The following MIB1 variants were observed in gnomAD, a reference collection of about 807,000 sequenced individuals.
MIB1 encodes E3 ubiquitin-protein ligase MIB1.
Under a neutral mutation model 124.5 loss-of-function variants are expected in MIB1, and 278 were observed. The ratio of observed to expected loss-of-function variants is 2.23; its 90% confidence interval spans 2.02 to 2.47. MIB1 has a LOEUF of 2.47. Ranked by LOEUF, MIB1 falls within the 30% of genes most tolerant of loss-of-function variation. MIB1 has a pLI of 0.00. For synonymous variants in MIB1, 446 were observed against 429.4 expected (o/e 1.04, Z -0.48); for missense variants, 957 against 1,254.4 (o/e 0.76, Z 3.58).
intron 12 of MIB1, among the ~76,000 whole-genome samples, chr18:21,837,081 T>C (rs1464806387): frequency 2.6e-5 from 4 of 152,222 alleles, no homozygotes; most frequent in Admixed American, 6.5e-5. Flanking sequence ...CATGCATTTC[T>C]CTGGAGGAGA....
chr18:21,803,680 T>C (rs2041673964), intron 9 of MIB1: 1 of 367,272 alleles, frequency 2.7e-6, no homozygotes, highest in Non-Finnish European at 4.9e-6. Context: ...CTAACAGTTA[T>C]TTCGTAACTC....
chr18:21,757,508 A>G (rs1166063716), intron 1 of MIB1, among the ~76,000 whole-genome samples: 1 of 126,850 alleles, frequency 7.9e-6, no homozygotes, highest in Non-Finnish European at 1.6e-5. Flanking sequence ...TTTTTGGGAC[A>G]GGGTCTTACT....
At chr18:21,724,932 A>C (rs1378995464) in intron 1 of MIB1, among the ~76,000 whole-genome samples, 1 of 146,298 alleles carries the variant, frequency 6.8e-6, no homozygotes, top group Non-Finnish European at 1.5e-5. Flanking sequence ...CTCTACTAAA[A>C]AAAATACAAA....
At chr18:21,853,896 GCT>G (rs1367314443) in intron 18 of MIB1, among the ~76,000 whole-genome samples, 1 of 147,728 alleles carries the variant, frequency 6.8e-6, no homozygotes, top group Non-Finnish European at 1.5e-5. Flanking sequence ...GCACAGTCTC[GCT>G]CTGTCACCTA....
At chr18:21,809,144 C>T (rs898038193) in intron 10 of MIB1, among the ~76,000 whole-genome samples, 2 of 151,820 alleles carry the variant, frequency 1.3e-5, no homozygotes, top group Non-Finnish European at 2.9e-5. Context: ...AACAATATGC[C>T]AACAAATTGG....
At chr18:21,758,760 C>T (rs1434801760) in intron 1 of MIB1, among the ~76,000 whole-genome samples, 1 of 152,092 alleles carries the variant, frequency 6.6e-6, no homozygotes, top group African/African-American at 2.4e-5. Flanking sequence ...GTCTTGAACG[C>T]CTGACCTCGT....
chr18:21,734,328 A>G (rs1424322757), intron 1 of MIB1, among the ~76,000 whole-genome samples: 3 of 151,340 alleles, frequency 2.0e-5, no homozygotes, highest in African/African-American at 7.3e-5. Flanking sequence ...GATGGTCTCA[A>G]TCTCCTGACC....
intron 12 of MIB1, chr18:21,826,913 T>A (rs2041929338): frequency 6.6e-6 from 1 of 152,144 alleles, no homozygotes; most frequent in South Asian, 2.1e-4. Flanking sequence ...TTTTCATCAT[T>A]TTTTCTAGTA....
intron 1 of MIB1, among the ~76,000 whole-genome samples, chr18:21,757,309 G>A (rs563975186): frequency 4.1e-4 from 62 of 151,152 alleles, no homozygotes; most frequent in African/African-American, 1.5e-3. Context: ...AAAATTAGCC[G>A]GTTGTGGTGG....
intron 19 of MIB1, among the ~76,000 whole-genome samples, chr18:21,857,630 A>G (rs1267897943): frequency 6.6e-6 from 1 of 152,248 alleles, no homozygotes; most frequent in African/African-American, 2.4e-5. Context: ...ATTATGCAAC[A>G]GGTTTATTTG....
rs931268019 is a variant in MIB1 at position 21,740,951 on chromosome 18, A to G, written c.-633A>G. ...CGGCCTTGGGTACGGCGGTACCCGG[A>G]TGTGGAGTCGCTCTCGCCCGGCTGG... On this transcript the variant is annotated 5_prime_UTR_variant, in exon 1 of 21. An upstream start codon of the reference 5' UTR is lost. Transcript: ENST00000261537. 6.6e-6 allele frequency among the ~76,000 whole-genome samples: 1 copy of G among 152,128 alleles called. No individual in the cohort carries two copies. The highest frequency in any genetic ancestry group is 2.4e-5 in the African/African-American group (1 of 41,430).
chr18:21,744,380 C>T (rs994649753), intron 1 of MIB1, among the ~76,000 whole-genome samples: 19 of 152,056 alleles, frequency 1.2e-4, no homozygotes, highest in African/African-American at 4.3e-4. Flanking sequence ...TGCCTTTTGC[C>T]CTTTACCCAC....
chr18:21,789,578 A>T (rs1009355286), intron 6 of MIB1, among the ~76,000 whole-genome samples: 3 of 151,964 alleles, frequency 2.0e-5, no homozygotes, highest in Admixed American at 1.3e-4. Flanking sequence ...AAATTGACAC[A>T]CTGATATTAA....
intron 9 of MIB1, among the ~76,000 whole-genome samples, chr18:21,802,368 CT>C (rs1041656525): frequency 3.1e-4 from 47 of 150,898 alleles, no homozygotes; most frequent in African/African-American, 1.1e-3. Context: ...ATCGAATTTT[CT>C]TTTTTTTTCC....
intron 1 of MIB1, among the ~76,000 whole-genome samples, chr18:21,709,039 G>A (rs1210793437): frequency 9.2e-5 from 14 of 152,108 alleles, no homozygotes; most frequent in African/African-American, 2.4e-4. Flanking sequence ...TGGCGAGGCC[G>A]GGCGCGGTGG....
chr18:21,855,275 ACCC>A (rs2042216511), intron 18 of MIB1, among the ~76,000 whole-genome samples: 1 of 152,196 alleles, frequency 6.6e-6, no homozygotes, highest in African/African-American at 2.4e-5. Flanking sequence ...TTCGTCCAGT[ACCC>A]CCATCGCAGT....
At chr18:21,768,949 A>G (rs1598601276) in intron 3 of MIB1, among the ~76,000 whole-genome samples, 197 bp downstream of exon 3, 1 of 152,180 alleles carries the variant, frequency 6.6e-6, no homozygotes, top group Non-Finnish European at 1.5e-5. Flanking sequence ...TTAGAGGGTC[A>G]TTAGGTAGGT....
At chr18:21,714,513 T>C (rs1255650520) in intron 1 of MIB1, among the ~76,000 whole-genome samples, 1 of 152,030 alleles carries the variant, frequency 6.6e-6, no homozygotes, top group African/African-American at 2.4e-5. Context: ...TCTCCAGGAG[T>C]CTCCTTCTCC....
chr18:21,825,833 A>G (rs1353696185), intron 12 of MIB1: 1 of 466,868 alleles, frequency 2.1e-6, no homozygotes, highest in South Asian at 1.6e-5. Context: ...TTTCATTGGT[A>G]AAATTACAGT....
Sources: gnomAD v4.1 joint callset for allele counts (sites outside exome capture counted in the v4.1 genomes callset) on GRCh38, gnomAD v4.1.1 for gene constraint, MANE v1.5 for transcripts, NCBI Gene and HGNC (gene_info 2026-07-23, HGNC 2026-07-21) for gene names.